The following BRWD1 variants were observed in gnomAD, a reference collection of about 807,000 sequenced individuals.
BRWD1 encodes the protein bromodomain and WD repeat-containing protein 1.
In BRWD1, 82 loss-of-function variants were observed where a neutral mutation model predicts 251.2. The observed-to-expected ratio is 0.33, with a 90% confidence interval of 0.27 to 0.39. The LOEUF is 0.39. Ranked by LOEUF, BRWD1 falls within the 10% of genes least tolerant of loss-of-function variation. The pLI is 1.00. For missense variants in BRWD1, 2,233 were observed against 2,711.6 expected (o/e 0.82, Z 3.92); for synonymous variants, 918 against 902.8 (o/e 1.02, Z -0.30).
chr21:39,187,774 G>C lies in BRWD1; in HGVS notation c.*8485C>G. On this transcript the variant is annotated 3_prime_UTR_variant, in exon 41 of 41. Transcript: ENST00000342449. ...CATTGTTCCAGTATTTTCTGACCTA[G>C]GTATGTGACACACGAGATTCAGATT... 1 of 984,956 alleles carries C rather than the reference G, an allele frequency of 1.0e-6. No homozygotes were observed. Among genetic ancestry groups the C allele is most frequent in the Non-Finnish European group, 1.2e-6 (1 of 829,654 alleles). The allele number at this position is 984,956 out of a possible 1,614,324, so 61.0% of individuals were successfully genotyped here.
chr21:39,209,868 C>A, intron 36 of BRWD1, 127 bp downstream of exon 36: 2 of 882,636 alleles, frequency 2.3e-6, no homozygotes, highest in Non-Finnish European at 3.2e-6. Flanking sequence ...TTAATTTATT[C>A]ACTTATCTTT....
intron 37 of BRWD1, among the ~76,000 whole-genome samples, chr21:39,203,040 A>G (rs1568861415): frequency 6.6e-6 from 1 of 152,270 alleles, no homozygotes; most frequent in Non-Finnish European, 1.5e-5. Flanking sequence ...GACTATTTAC[A>G]TCTAACTGCA....
chr21:39,298,480 T>C lies in BRWD1; in HGVS notation c.301A>G (p.Thr101Ala). ...TGCCTTCCTGCACCAAGTAAAGAAG[T>C]GACTCTTGAAATACTGGGTGGAATT... The part of the protein sequence containing the change: ...KEIPPSISRV[T>A]SLLGAGRQSL... The change falls in exon 5 of 41, where the codon ACT becomes GCT. Residue 101 changes from threonine (T) to alanine (A), a missense_variant. Physicochemically the swap from Thr to Ala is moderately conservative, Grantham distance 58 (BLOSUM62 0). Around this residue, in one of 12 missense-constraint regions of BRWD1, gnomAD observed 185 missense variants for 260.6 expected, o/e 0.71. Coordinates refer to ENST00000342449, the MANE Select transcript of BRWD1 (RefSeq NM_033656.4). The C allele has an allele frequency of 6.2e-7, 1 of 1,609,538 alleles. No homozygotes were observed. The highest frequency in any genetic ancestry group is 8.5e-7 in the Non-Finnish European group (1 of 1,178,624).
chr21:39,202,567 G>C, intron 37 of BRWD1, 22 bp from the exon 38 acceptor site: 1 of 1,543,792 alleles, frequency 6.5e-7, no homozygotes, highest in Non-Finnish European at 8.9e-7. Flanking sequence ...TATGAACAAA[G>C]GAAACAGTAT....
intron 5 of BRWD1, chr21:39,297,496 A>G: frequency 1.3e-6 from 1 of 760,510 alleles, no homozygotes; most frequent in Non-Finnish European, 1.6e-6. Flanking sequence ...ACAAAGGAAA[A>G]CAGGCTACCA....
chr21:39,306,368 C>T (rs1382936783), intron 4 of BRWD1, among the ~76,000 whole-genome samples: 1 of 152,222 alleles, frequency 6.6e-6, no homozygotes, highest in Admixed American at 6.5e-5. Flanking sequence ...CGCACCTGGC[C>T]TAGATATCTT....
chr21:39,224,496 T>G, intron 28 of BRWD1, 27 bp from the exon 29 acceptor site: 1 of 1,527,424 alleles, frequency 6.5e-7, no homozygotes, highest in Non-Finnish European at 8.9e-7. Context: ...AATCTCTGGT[T>G]AGCCTTTCAT....
intron 4 of BRWD1, among the ~76,000 whole-genome samples, chr21:39,305,078 A>G (rs2036244150): frequency 6.7e-6 from 1 of 149,700 alleles, no homozygotes; most frequent in Non-Finnish European, 1.5e-5. Flanking sequence ...TCCTGCCTCA[A>G]CCTCCCAAGT....
chr21:39,246,682 T>TA (rs1372663399), intron 21 of BRWD1, among the ~76,000 whole-genome samples: 5 of 151,766 alleles, frequency 3.3e-5, no homozygotes, highest in Non-Finnish European at 7.4e-5. Context: ...CAATAAAAAG[T>TA]AAAAAAAGAA....
rs1458966483 is a variant in BRWD1 at position 39,190,404 on chromosome 21, G to C, written c.*5855C>G. The C allele has an allele frequency of 2.0e-6, 2 of 985,276 alleles. No homozygotes were observed. Among genetic ancestry groups the C allele is most frequent in the African/African-American group, 1.7e-5 (1 of 57,330 alleles). The allele number at this position is 985,276 out of a possible 1,614,324, so 61.0% of individuals were successfully genotyped here. On this transcript the variant is annotated 3_prime_UTR_variant, in exon 41 of 41. Coordinates refer to ENST00000342449, the MANE Select transcript of BRWD1 (RefSeq NM_033656.4). ...TAAAACAGATTTGAGAATGAGAAAA[G>C]AATGTCTGACTCAAAATGAAAACAT... is the stretch of plus-strand genomic sequence containing the variant.
At chr21:39,221,255 T>C (rs2033165209) in intron 29 of BRWD1, among the ~76,000 whole-genome samples, 1 of 151,930 alleles carries the variant, frequency 6.6e-6, no homozygotes, top group Admixed American at 6.6e-5. Context: ...TCTTTTCTCA[T>C]AATGTCTATT....
At chr21:39,221,529 A>G (rs754643770) in intron 29 of BRWD1, among the ~76,000 whole-genome samples, 50 of 152,194 alleles carry the variant, frequency 3.3e-4, no homozygotes, top group Non-Finnish European at 1.9e-4. Flanking sequence ...AAAATAAAGC[A>G]AAAAAACAAA....
At chr21:39,312,933 C>G in intron 3 of BRWD1, 33 bp from the exon 4 acceptor site, 1 of 843,870 alleles carries the variant, frequency 1.2e-6, no homozygotes, top group African/African-American at 2.5e-5. Context: ...CGAGTGACCA[C>G]CCCTCCGGCG....
chr21:39,269,675 A>G (rs1400560413), intron 15 of BRWD1, among the ~76,000 whole-genome samples: 2 of 152,234 alleles, frequency 1.3e-5, no homozygotes, highest in African/African-American at 4.8e-5. Flanking sequence ...AAAATGCTCA[A>G]CAGGTAACTT....
At chr21:39,217,038 T>C (rs1203935736) in intron 31 of BRWD1, 1 of 16,966 alleles carries the variant, frequency 5.9e-5, no homozygotes, top group Non-Finnish European at 1.2e-4. Context: ...TATATATAAA[T>C]ATATATATAT....
chr21:39,264,566 T>C lies in BRWD1; in HGVS notation c.1779A>G (p.Val593=), dbSNP rs1281394455. Reference sequence around the variant, plus strand: ...TTGGATGAGGATTTCCATCTACATCTACCAAGAATGGTGGAGGCATAAGAT... The same window carrying C: ...TTGGATGAGGATTTCCATCTACATCCACCAAGAATGGTGGAGGCATAAGAT... ...APHLMPPPFL[V]DVDGNPHPTK... The change falls in exon 17 of 41, where the codon GTA becomes GTG. Residue 593 remains valine, a synonymous_variant. Transcript: ENST00000342449. 2 of 1,612,928 alleles carry C rather than the reference T, an allele frequency of 1.2e-6. No homozygotes were observed. Among genetic ancestry groups the C allele is most frequent in the Non-Finnish European group, 1.7e-6 (2 of 1,179,280 alleles).
At chr21:39,211,881 G>T (rs891728845) in intron 34 of BRWD1, among the ~76,000 whole-genome samples, 1 of 151,968 alleles carries the variant, frequency 6.6e-6, no homozygotes, top group Admixed American at 6.6e-5. Flanking sequence ...AAAATGATCT[G>T]GGCTAAAATG....
chr21:39,309,843 A>AAAAAGG (rs1243510663), intron 4 of BRWD1, among the ~76,000 whole-genome samples: 78 of 151,766 alleles, frequency 5.1e-4, no homozygotes, highest in African/African-American at 1.7e-3. Context: ...AAAAAAAAAA[A>AAAAAGG]AGACACCCAG....
At chr21:39,272,301 T>TAAA (rs746781112) in intron 13 of BRWD1, among the ~76,000 whole-genome samples, 28 of 104,592 alleles carry the variant, frequency 2.7e-4, no homozygotes, top group Non-Finnish European at 4.2e-4. Flanking sequence ...CCCTAAAACT[T>TAAA]AAATAAATAA....
Sources: allele counts gnomAD v4.1 joint callset (sites outside exome capture counted in the v4.1 genomes callset), GRCh38; gene constraint gnomAD v4.1.1; regional missense constraint gnomAD v4.1.1; transcripts MANE v1.5; gene names NCBI Gene and HGNC (gene_info 2026-07-23, HGNC 2026-07-21).